WDR90: variants seen among roughly 807,000 people sequenced by gnomAD.
The protein encoded by WDR90 is WD repeat-containing protein 90.
WDR90 carries 238 observed loss-of-function variants against 195.2 expected under a neutral mutation model. The observed-to-expected ratio is 1.22, with a 90% CI of 1.10 to 1.36. WDR90 has a LOEUF of 1.36. Among genes scored for constraint, WDR90 ranks in the 40% most tolerant of loss-of-function variants. The probability of loss-of-function intolerance (pLI) is 0.00; values close to 1 mark genes in which losing one functional copy is unlikely to be tolerated. For missense variants in WDR90, 2,734 were observed against 2,439.5 expected, an observed-to-expected ratio of 1.12 and a Z score of -2.54; for synonymous variants, 1,265 against 1,052.4, an observed-to-expected ratio of 1.20 and a Z score of -3.91.
rs374786432 is a variant in WDR90, at chr16:662,012, G to A, written c.3986G>A (p.Arg1329His). The change falls in exon 32 of 41, where the codon CGT becomes CAT. Residue 1329 changes from arginine to histidine, a missense_variant. Transcript: ENST00000293879. ...GGCCAGGTCTGTGTCTGGGACACGC[G>A]TGCCGGCCGCTGCTTCTTGTCCTGG... ...SSGQVCVWDT[R>H]AGRCFLSWEA... 62 of 1,603,716 alleles carry A rather than the reference G, an allele frequency of 3.9e-5. 2 individuals carry two copies. In the South Asian group the frequency reaches 4.2e-4, roughly 11 times the overall value.
Position 655,157 on chromosome 16 carries a change from C to T in WDR90, c.1556+10C>T. The T allele has an allele frequency of 6.2e-7, 1 of 1,612,398 alleles. No homozygotes were observed. Among genetic ancestry groups the T allele is most frequent in the Non-Finnish European group, 8.5e-7 (1 of 1,179,560 alleles). On this transcript the variant is annotated intron_variant, in intron 14 of 40. Coordinates refer to ENST00000293879, the MANE Select transcript of WDR90 (RefSeq NM_145294.5). ...TTTTTGATGAAACCAGGTGATGCAG[C>T]CGCCCATCCACGATGTTGGGAGAGG...
At chr16:656,674 A>T in intron 18 of WDR90, 58 bp from the exon 19 acceptor site, 1 of 1,579,962 alleles carries the variant, frequency 6.3e-7, no homozygotes, top group Non-Finnish European at 8.6e-7. Flanking sequence ...GGCCGCCTGG[A>T]GAGCCCCTGG....
At chr16:655,192 C>G (rs755795596) in intron 14 of WDR90, 45 bp downstream of exon 14, 4 of 1,612,052 alleles carry the variant, frequency 2.5e-6, no homozygotes, top group Admixed American at 3.3e-5. Flanking sequence ...GGTCTGGGCC[C>G]GGAGTGGGGG....
rs761288902 is a variant in WDR90 at position 665,846 on chromosome 16, C to T, written c.4434+45C>T. The T allele has an allele frequency of 1.1e-5, 17 of 1,532,904 alleles. No homozygotes were observed. In the African/African-American group the frequency reaches 1.4e-4, roughly 13 times the overall value. 95.0% of individuals were successfully genotyped at this position (1,532,904 alleles called of 1,614,324 possible). On this transcript the variant is annotated intron_variant, in intron 35 of 40. Transcript: ENST00000293879. ...GCCGGGGGCGGGATGGGGGCCTGCT[C>T]AGTGGGGGGCCTGGCATGGGCGGGG...
At chr16:659,454 A>C in intron 26 of WDR90, 78 bp downstream of exon 26, 44 of 1,525,842 alleles carry the variant, frequency 2.9e-5, no homozygotes, top group East Asian at 9.7e-5. Flanking sequence ...GCAGGTACTC[A>C]CGCACGTCCA....
Position 660,144 on chromosome 16 carries a change from AG to A in WDR90, c.3272del (p.Ser1091ThrfsTer20). ...CTTCACGCCTGCCAGGGTCAGCTGC[AG>A]CCCCCACTCTGCCAAGGTGGGGAGT... ...KAFTPARVSC[S>X]PHSAKGTCPP... On this transcript the variant is annotated frameshift_variant, in exon 27 of 41. Coordinates refer to ENST00000293879, the MANE Select transcript of WDR90 (RefSeq NM_145294.5). LOFTEE classifies it high-confidence loss of function. 4 of 1,536,404 alleles carry A rather than the reference AG, an allele frequency of 2.6e-6. No homozygotes were observed. Among genetic ancestry groups the A allele is most frequent in the Non-Finnish European group, 3.5e-6 (4 of 1,137,604 alleles).
At position 667,819 on chromosome 16, in the gene WDR90, G is replaced by A. The variant is rs1318545372; in HGVS notation, c.*230G>A. On this transcript the variant is annotated 3_prime_UTR_variant, in exon 41 of 41. Coordinates refer to ENST00000293879, the MANE Select transcript of WDR90 (RefSeq NM_145294.5). ...TGTTTCTATCTTGTAATAAACATGG[G>A]CATTTATTGCATTATTGCTGCATTG... 5 of 661,628 alleles carry A rather than the reference G, an allele frequency of 7.6e-6. No homozygotes were observed. The South Asian group carries it at 8.7e-5, about 12-fold the overall frequency. 41.0% of individuals were successfully genotyped at this position (661,628 alleles called of 1,614,324 possible).
chr16:657,759 C>T lies in WDR90; in HGVS notation c.2474-3C>T, dbSNP rs866158976. 1.3e-6 allele frequency: 2 copies of T among 1,546,244 alleles called. No individual in the cohort carries two copies. The highest frequency in any genetic ancestry group is 1.7e-6 in the Non-Finnish European group (2 of 1,145,286). On this transcript the variant is annotated splice_region_variant and splice_polypyrimidine_tract_variant and intron_variant, in intron 20 of 40. Transcript: ENST00000293879. ...AGCTGACCCCTGCCCCGTGTGGCCA[C>T]AGCGGACATGGTATGCCCGGATGCC...
rs1351663180 is a variant in WDR90 at position 650,051 on chromosome 16, A to G, written c.163A>G (p.Ile55Val). 1 of 1,612,696 alleles carries G rather than the reference A, an allele frequency of 6.2e-7. No homozygotes were observed. The change falls in exon 3 of 41, where the codon ATC (isoleucine) becomes GTC (valine). Residue 55 changes from isoleucine (I) to valine (V), a missense_variant. Physicochemically the swap from Ile to Val is conservative, Grantham distance 29. Coordinates refer to ENST00000293879, the MANE Select transcript of WDR90 (RefSeq NM_145294.5). ...IRGSVSAANY[I>V]QLPKSSTQSL... ...GGGCTCAGTCTCTGCCGCCAACTACATCCAGCTCCCTAAGAGCAGCACCCA... is the reference window on the plus strand; with the variant it reads ...GGGCTCAGTCTCTGCCGCCAACTACGTCCAGCTCCCTAAGAGCAGCACCCA...
chr16:650,664 C>G lies in WDR90; in HGVS notation c.514C>G (p.Leu172Val). Residue 172 changes from leucine (L) to valine (V), a missense_variant, in exon 5 of 41, where the codon CTG (leucine) becomes GTG (valine). Physicochemically the swap from Leu to Val is conservative, Grantham distance 32 (BLOSUM62 1). Transcript: ENST00000293879. ...CAAGAGCATCAGGCTGTGCGCCAGC[C>G]TGCTGGTCAGGAACCTGTACACCAG... Reference protein sequence around the residue: ...HLKSIRLCASLLVRNLYTSDL... With the variant: ...HLKSIRLCASVLVRNLYTSDL... The G allele has an allele frequency of 6.2e-7, 1 of 1,612,632 alleles. No homozygotes were observed. The highest frequency in any genetic ancestry group is 8.5e-7 in the Non-Finnish European group (1 of 1,179,790).
chr16:651,605 C>T, intron 7 of WDR90, 39 bp from the exon 8 acceptor site: 1 of 1,595,908 alleles, frequency 6.3e-7, no homozygotes, highest in Non-Finnish European at 8.6e-7. Context: ...ATCTGCACAG[C>T]TGGCCCCTGG....
intron 13 of WDR90, chr16:654,026 A>G (rs1824652188): frequency 1.6e-6 from 1 of 608,616 alleles, no homozygotes; most frequent in Non-Finnish European, 2.8e-6. Flanking sequence ...CTTTTCGGCC[A>G]TCGGAGTCGG....
In WDR90 at chr16:655,064, C is replaced by G. The variant is rs376735907; in HGVS notation, c.1473C>G (p.Leu491=). 6.2e-7 allele frequency: 1 copy of G among 1,612,736 alleles called. No homozygotes were observed. Among genetic ancestry groups the G allele is most frequent in the Admixed American group, 1.7e-5 (1 of 60,026 alleles). Residue 491 remains leucine (L), a synonymous_variant, in exon 14 of 41, where the codon CTC becomes CTG. Transcript: ENST00000293879. ...CCTGGGGCACCGGCCAGGTGGGCCT[C>G]GGTGGCGAGGTGGTCGTTCTGGCAA... is the stretch of plus-strand genomic sequence containing the variant. ...VVAWGTGQVG[L]GGEVVVLAKA...
chr16:656,411 C>T lies in WDR90; in HGVS notation c.2076C>T (p.Tyr692=), dbSNP rs1317198867. The change falls in exon 18 of 41, where the codon TAC becomes TAT. Residue 692 remains tyrosine, a synonymous_variant. Coordinates refer to ENST00000293879, the MANE Select transcript of WDR90 (RefSeq NM_145294.5). The stretch of plus-strand genomic sequence containing the variant: ...TCCTGGACACGCTGTCCCGGGTGTA[C>T]CACATGCTGGCTCGCTCCCACACCG... The part of the protein sequence containing the change: ...LGFLDTLSRV[Y]HMLARSHTAP... The T allele has an allele frequency of 6.2e-7, 1 of 1,607,576 alleles. No individual in the cohort carries two copies. The highest frequency in any genetic ancestry group is 1.1e-5 in the South Asian group (1 of 90,506).
chr16:667,786 ATCTTTAATGTT>A lies in WDR90; in HGVS notation c.*201_*211del, dbSNP rs747321707. On this transcript the variant is annotated 3_prime_UTR_variant, in exon 41 of 41. Coordinates refer to ENST00000293879, the MANE Select transcript of WDR90 (RefSeq NM_145294.5). ...TACCTGTTGCCCTTTTGCCTAAGAA[ATCTTTAATGTT>A]TCTATCTTGTAATAAACATGGGCAT... 66 of 733,778 alleles carry A rather than the reference ATCTTTAATGTT, an allele frequency of 9.0e-5. 1 individual carries two copies. In the Middle Eastern group the frequency reaches 3.0e-3, roughly 33 times the overall value. 45.5% of individuals were successfully genotyped at this position (733,778 alleles called of 1,614,324 possible).
chr16:667,139 G>C, intron 40 of WDR90, 150 bp downstream of exon 40: 3 of 912,770 alleles, frequency 3.3e-6, no homozygotes, highest in Non-Finnish European at 5.1e-6. Flanking sequence ...GAGGGTCCTG[G>C]AGTCAGGAGA....
intron 34 of WDR90, among the ~76,000 whole-genome samples, chr16:664,602 A>G (rs1194499114): frequency 5.3e-5 from 8 of 151,840 alleles, no homozygotes; most frequent in South Asian, 4.2e-4. Flanking sequence ...GTTTCCTTGT[A>G]GGGCCCAGGG....
At chr16:661,014 C>G (rs202080499) in intron 28 of WDR90, 37 bp from the exon 29 acceptor site, 1 of 420,800 alleles carries the variant, frequency 2.4e-6, no homozygotes, top group South Asian at 4.8e-5. Context: ...CCCCCCCCCC[C>G]CGGCCCGGCC....
At chr16:661,274 C>A (rs1487083812) in intron 29 of WDR90, 68 bp from the exon 30 acceptor site, 2 of 1,533,476 alleles carry the variant, frequency 1.3e-6, no homozygotes, top group Non-Finnish European at 1.8e-6. Flanking sequence ...ACGGAGCAGA[C>A]GGCCACCCCA....
Sources: gnomAD v4.1 joint callset for allele counts (sites outside exome capture counted in the v4.1 genomes callset) on GRCh38, gnomAD v4.1.1 for gene constraint, MANE v1.5 for transcripts, NCBI Gene and HGNC (gene_info 2026-07-23, HGNC 2026-07-21) for gene names.